Variants in MTUS2 observed in about 807,000 individuals in gnomAD.
MTUS2 encodes the protein microtubule-associated tumor suppressor candidate 2.
Under a neutral mutation model 114.1 loss-of-function variants are expected in MTUS2, and 40 were observed. The ratio of observed to expected loss-of-function variants is 0.35; its 90% CI spans 0.27 to 0.46. The LOEUF is 0.46. Ranked by LOEUF, MTUS2 falls within the 20% of genes least tolerant of loss-of-function variation. The pLI, the probability that MTUS2 is intolerant of heterozygous loss-of-function variation, is 1.00. For synonymous variants in MTUS2, 688 were observed against 672.0 expected (o/e 1.02, Z -0.37); for missense variants, 1,679 against 1,705.4 (o/e 0.98, Z 0.27).
chr13:29,160,298 T>C (rs1250656244), intron 5 of MTUS2, among the ~76,000 whole-genome samples: 1 of 152,198 alleles, frequency 6.6e-6, no homozygotes, highest in African/African-American at 2.4e-5. Context: ...AAAAAGTAAA[T>C]CTCTTTTTTC....
chr13:28,996,621 T>C (rs1271186666), intron 2 of MTUS2, among the ~76,000 whole-genome samples: 1 of 152,190 alleles, frequency 6.6e-6, no homozygotes, highest in African/African-American at 2.4e-5. Flanking sequence ...CCTGGTTTAG[T>C]CTTGGGAGGG....
At chr13:28,948,098 C>G (rs1882627718) in intron 2 of MTUS2, among the ~76,000 whole-genome samples, 1 of 152,150 alleles carries the variant, frequency 6.6e-6, no homozygotes. Context: ...TCAAAAATTA[C>G]TGAACACGAT....
At chr13:29,375,316 C>T (rs1440061934) in intron 8 of MTUS2, among the ~76,000 whole-genome samples, 3 of 149,628 alleles carry the variant, frequency 2.0e-5, no homozygotes, top group Non-Finnish European at 4.4e-5. Flanking sequence ...GAGAAGAAAG[C>T]CATTACTTTT....
intron 5 of MTUS2, among the ~76,000 whole-genome samples, chr13:29,137,333 G>A (rs1326556994): frequency 6.6e-6 from 1 of 152,030 alleles, no homozygotes; most frequent in African/African-American, 2.4e-5. Flanking sequence ...GCCTCTTTGA[G>A]TTCATCCTGC....
At chr13:29,191,005 C>T (rs1022100647) in intron 5 of MTUS2, among the ~76,000 whole-genome samples, 2 of 152,122 alleles carry the variant, frequency 1.3e-5, no homozygotes, top group African/African-American at 4.8e-5. Flanking sequence ...GAACCCTGTG[C>T]AGAGAAGTGA....
chr13:29,416,692 A>G (rs1160989976), intron 8 of MTUS2, among the ~76,000 whole-genome samples: 1 of 152,200 alleles, frequency 6.6e-6, no homozygotes, highest in Admixed American at 6.5e-5. Flanking sequence ...TTAACTTTAT[A>G]TAAAATGAAG....
At chr13:28,907,689 A>C (rs551945840) in intron 2 of MTUS2, among the ~76,000 whole-genome samples, 1 of 151,684 alleles carries the variant, frequency 6.6e-6, no homozygotes, top group African/African-American at 2.4e-5. Context: ...GATCAATTCA[A>C]CAAAAAGAGC....
At chr13:29,005,846 C>T (rs1885578165) in intron 2 of MTUS2, among the ~76,000 whole-genome samples, 1 of 152,216 alleles carries the variant, frequency 6.6e-6, no homozygotes, top group African/African-American at 2.4e-5. Flanking sequence ...ACAGAATCTG[C>T]TCTCTAGGAA....
chr13:29,481,346 C>T lies in MTUS2; in HGVS notation c.3399+982C>T, dbSNP rs550306451. ...TTAGCGCTGATGAGAGGCAGGCGGA[C>T]GATTCAGTGTACCCCCCACCACCAC... On this transcript the variant is annotated intron_variant, in intron 10 of 15. Transcript: ENST00000612955. Among the ~76,000 whole-genome samples, 11 of 152,262 alleles carry T rather than the reference C, an allele frequency of 7.2e-5. No homozygotes were observed. The East Asian group carries it at 9.7e-4, about 13-fold the overall frequency.
intron 2 of MTUS2, among the ~76,000 whole-genome samples, chr13:28,911,845 G>GT (rs202187530): frequency 0.048 from 4,941 of 103,790 alleles, 165 homozygotes; most frequent in African/African-American, 0.093. Flanking sequence ...ACTTTTTAAT[G>GT]TTTTTTTTTT....
chr13:28,936,212 T>C (rs1881893171), intron 2 of MTUS2, among the ~76,000 whole-genome samples: 1 of 152,212 alleles, frequency 6.6e-6, no homozygotes, highest in Non-Finnish European at 1.5e-5. Flanking sequence ...GCAGGTGTCA[T>C]GCCAGCATGC....
chr13:28,907,352 C>A (rs1335323121), intron 2 of MTUS2, among the ~76,000 whole-genome samples: 1 of 151,482 alleles, frequency 6.6e-6, no homozygotes, highest in Non-Finnish European at 1.5e-5. Context: ...AACTATCGAG[C>A]AAAATAACCA....
intron 2 of MTUS2, among the ~76,000 whole-genome samples, chr13:28,935,616 G>C (rs528292034): frequency 6.6e-6 from 1 of 152,192 alleles, no homozygotes; most frequent in South Asian, 2.1e-4. Flanking sequence ...ATTATATGCT[G>C]CTCCTGGCAA....
At chr13:28,885,789 T>G (rs1878557039) in intron 2 of MTUS2, among the ~76,000 whole-genome samples, 1 of 152,200 alleles carries the variant, frequency 6.6e-6, no homozygotes, top group African/African-American at 2.4e-5. Flanking sequence ...AGGCAATGTT[T>G]TAGGGACTGA....
chr13:29,403,709 G>A (rs1229359840), intron 8 of MTUS2, among the ~76,000 whole-genome samples: 1 of 152,168 alleles, frequency 6.6e-6, no homozygotes, highest in Non-Finnish European at 1.5e-5. Context: ...TTCTTGCTGA[G>A]TCTTCAGTAT....
intron 2 of MTUS2, among the ~76,000 whole-genome samples, chr13:28,899,058 T>C (rs550513360): frequency 6.6e-6 from 1 of 152,328 alleles, no homozygotes; most frequent in African/African-American, 2.4e-5. Context: ...GTTTTTCTTC[T>C]TCAGGCAATA....
In MTUS2 at chr13:29,386,644, A is replaced by G. The variant is rs1172529192; in HGVS notation, c.3117+27171A>G. Among the ~76,000 whole-genome samples, 5 of 152,290 alleles carry G rather than the reference A, an allele frequency of 3.3e-5. 1 individual carries two copies. Among genetic ancestry groups the G allele is most frequent in the African/African-American group, 1.2e-4 (5 of 41,576 alleles). On this transcript the variant is annotated intron_variant, in intron 8 of 15. Transcript: ENST00000612955. ...AAGGAGAGAGACTTTGTCACTTTCTATTTGTCAACAGATTTTTTAATGAGT... is the reference window on the plus strand; with the variant it reads ...AAGGAGAGAGACTTTGTCACTTTCTGTTTGTCAACAGATTTTTTAATGAGT...
At chr13:28,954,027 T>A (rs1882940280) in intron 2 of MTUS2, among the ~76,000 whole-genome samples, 1 of 152,144 alleles carries the variant, frequency 6.6e-6, no homozygotes, top group African/African-American at 2.4e-5. Context: ...CAGAAATAGA[T>A]CTCAGTATAA....
chr13:28,985,798 G>C (rs1392581903), intron 2 of MTUS2, among the ~76,000 whole-genome samples: 1 of 152,076 alleles, frequency 6.6e-6, no homozygotes, highest in African/African-American at 2.4e-5. Flanking sequence ...TCCATGATGT[G>C]GGTGGGCCTC....
Sources: allele counts gnomAD v4.1 joint callset (sites outside exome capture counted in the v4.1 genomes callset), GRCh38; gene constraint gnomAD v4.1.1; transcripts MANE v1.5; gene names NCBI Gene and HGNC (gene_info 2026-07-23, HGNC 2026-07-21).